Variants in HNF4G observed in about 807,000 individuals in gnomAD.
HNF4G encodes hepatocyte nuclear factor 4-gamma.
In HNF4G, 21 loss-of-function variants were observed where a neutral mutation model predicts 50.9. The ratio of observed to expected loss-of-function variants is 0.41; its 90% CI spans 0.29 to 0.59. The LOEUF is 0.59. Among genes scored for constraint, HNF4G ranks in the 20% least tolerant of loss-of-function variants. HNF4G has a pLI of 0.26. For synonymous variants in HNF4G, 198 were observed against 185.6 expected (o/e 1.07, Z -0.54); for missense variants, 527 against 559.4 (o/e 0.94, Z 0.58).
chr8:75,435,869 C>T (rs1259480020), intron 1 of HNF4G, among the ~76,000 whole-genome samples: 1 of 152,176 alleles, frequency 6.6e-6, no homozygotes, highest in Non-Finnish European at 1.5e-5. Flanking sequence ...GTTGGAATTA[C>T]AGGTGTGAGC....
intron 1 of HNF4G, among the ~76,000 whole-genome samples, chr8:75,438,048 CTTG>C (rs1239537949): frequency 6.6e-6 from 1 of 152,098 alleles, no homozygotes; most frequent in Non-Finnish European, 1.5e-5. Context: ...GACAAATGAG[CTTG>C]TTTCTTGCTT....
At chr8:75,542,831 A>G (rs553237497) in intron 1 of HNF4G, among the ~76,000 whole-genome samples, 30 of 152,324 alleles carry the variant, frequency 2.0e-4, no homozygotes, top group African/African-American at 5.8e-4. Context: ...TGTTGCCATA[A>G]TCTAGAGGAA....
chr8:75,501,167 A>G (rs564521784), intron 2 of HNF4G, among the ~76,000 whole-genome samples: 16 of 152,292 alleles, frequency 1.1e-4, no homozygotes, highest in Non-Finnish European at 2.2e-4. Flanking sequence ...CAGCTGGCCA[A>G]GGTGGCTCAT....
intron 4 of HNF4G, 121 bp from the exon 5 acceptor site, chr8:75,552,921 A>C (rs990218424): frequency 1.7e-6 from 1 of 584,450 alleles, no homozygotes; most frequent in African/African-American, 1.9e-5. Flanking sequence ...ATTTGTCAAG[A>C]TACTGTAACA....
At chr8:75,546,556 A>G (rs1806784285) in intron 2 of HNF4G, among the ~76,000 whole-genome samples, 1 of 152,012 alleles carries the variant, frequency 6.6e-6, no homozygotes, top group Admixed American at 6.6e-5. Flanking sequence ...CTATGAATCT[A>G]TTTTCTGTTT....
intron 1 of HNF4G, among the ~76,000 whole-genome samples, chr8:75,413,511 C>T (rs562798644): frequency 2.2e-4 from 34 of 152,140 alleles, no homozygotes; most frequent in African/African-American, 8.0e-4. Context: ...TTTTATATTT[C>T]TCAGCAATGA....
intron 3 of HNF4G, among the ~76,000 whole-genome samples, chr8:75,548,902 A>C (rs1384302562): frequency 6.6e-6 from 1 of 152,202 alleles, no homozygotes; most frequent in Non-Finnish European, 1.5e-5. Context: ...ACAAAAAATA[A>C]AGTTCACAAA....
chr8:75,553,117 T>A lies in HNF4G; in HGVS notation c.565T>A (p.Ser189Thr). ...TGCAAGTATTGGTGATGTCTGTGAA[T>A]CTATGAAACAGCAGCTCTTAGTCTT... ...KIASIGDVCE[S>T]MKQQLLVLVE... The change falls in exon 5 of 10, where the codon TCT becomes ACT. Residue 189 changes from serine to threonine, a missense_variant. Around this residue, in one of 5 missense-constraint regions of HNF4G, gnomAD observed 128 missense variants for 135.3 expected, o/e 0.95. Transcript: ENST00000396423. 6.2e-7 allele frequency: 1 copy of A among 1,612,918 alleles called. No homozygotes were observed.
chr8:75,445,843 C>G (rs1811413678), intron 1 of HNF4G, among the ~76,000 whole-genome samples: 3 of 125,126 alleles, frequency 2.4e-5, no homozygotes, highest in South Asian at 2.7e-4. Context: ...CCGAATTCTA[C>G]CAGAGGTACA....
intron 9 of HNF4G, among the ~76,000 whole-genome samples, chr8:75,561,045 CTTACA>C (rs1807298055): frequency 6.6e-6 from 1 of 151,828 alleles, no homozygotes; most frequent in African/African-American, 2.4e-5. Context: ...CCTTCTGAAA[CTTACA>C]TTAGGAAGTG....
chr8:75,434,140 A>G (rs1319002520), intron 1 of HNF4G, among the ~76,000 whole-genome samples: 1 of 150,278 alleles, frequency 6.7e-6, no homozygotes, highest in Non-Finnish European at 1.5e-5. Context: ...AGTAGCTGGG[A>G]TTATAGGCGC....
chr8:75,557,679 C>T (rs2130811927), intron 6 of HNF4G, among the ~76,000 whole-genome samples: 1 of 152,142 alleles, frequency 6.6e-6, no homozygotes, highest in African/African-American at 2.4e-5. Context: ...ATTCTGTTTG[C>T]TTGTCATAAC....
intron 1 of HNF4G, among the ~76,000 whole-genome samples, chr8:75,487,900 C>T (rs1291427656): frequency 2.0e-5 from 3 of 152,144 alleles, no homozygotes; most frequent in Non-Finnish European, 4.4e-5. Flanking sequence ...GAAGCAAACA[C>T]GGCCTTCTTC....
chr8:75,420,056 G>C (rs1310474764), intron 1 of HNF4G, among the ~76,000 whole-genome samples: 1 of 151,546 alleles, frequency 6.6e-6, no homozygotes, highest in Non-Finnish European at 1.5e-5. Context: ...TATGATATCA[G>C]AACTAGGTTA....
chr8:75,427,179 T>G (rs1167286604), intron 1 of HNF4G, among the ~76,000 whole-genome samples: 1 of 152,228 alleles, frequency 6.6e-6, no homozygotes, highest in Non-Finnish European at 1.5e-5. Flanking sequence ...CTCTCTGTAT[T>G]TCTTTGAATG....
At chr8:75,474,904 G>T (rs1232711801) in intron 1 of HNF4G, among the ~76,000 whole-genome samples, 1 of 152,008 alleles carries the variant, frequency 6.6e-6, no homozygotes, top group Non-Finnish European at 1.5e-5. Flanking sequence ...CACCGTGTTG[G>T]CCAGGATGGT....
intron 2 of HNF4G, among the ~76,000 whole-genome samples, chr8:75,505,275 C>T (rs2943606): frequency 0.28 from 42,432 of 151,718 alleles, 7,349 homozygotes; most frequent in African/African-American, 0.5. Context: ...TCTCCTCAAC[C>T]ACAAAATGAA....
At chr8:75,464,584 T>A (rs2130615097) in intron 1 of HNF4G, among the ~76,000 whole-genome samples, 1 of 152,314 alleles carries the variant, frequency 6.6e-6, no homozygotes, top group African/African-American at 2.4e-5. Context: ...ATTCTCCAAA[T>A]CCCCTCAATT....
At chr8:75,560,980 G>A (rs1047854743) in intron 9 of HNF4G, among the ~76,000 whole-genome samples, 29 of 152,054 alleles carry the variant, frequency 1.9e-4, no homozygotes, top group African/African-American at 3.4e-4. Context: ...CAATCGAAGG[G>A]TTTTATTTCT....
Sources: gnomAD v4.1 joint callset for allele counts (sites outside exome capture counted in the v4.1 genomes callset) on GRCh38, gnomAD v4.1.1 for gene constraint, gnomAD v4.1.1 regional missense constraint, MANE v1.5 for transcripts, NCBI Gene and HGNC (gene_info 2026-07-23, HGNC 2026-07-21) for gene names.